Variants in TENM3 observed in about 807,000 individuals in gnomAD.
TENM3 encodes the protein teneurin-3.
In TENM3, 63 loss-of-function variants were observed where a neutral mutation model predicts 255.1. That is an observed-to-expected ratio of 0.25 (90% confidence interval 0.20 to 0.30). TENM3 has a LOEUF of 0.30. Among genes scored for constraint, TENM3 ranks in the 10% least tolerant of loss-of-function variants. The probability of loss-of-function intolerance (pLI) is 1.00; values close to 1 mark genes in which losing one functional copy is unlikely to be tolerated. For missense variants in TENM3, 2,929 were observed against 3,461.1 expected, an observed-to-expected ratio of 0.85 and a Z score of 3.86; for synonymous variants, 1,306 against 1,322.3, an observed-to-expected ratio of 0.99 and a Z score of 0.27.
chr4:181,479,139 A>G, the TENM3 span, among the ~76,000 whole-genome samples: 1 of 152,200 alleles, frequency 6.6e-6, no homozygotes, highest in South Asian at 2.1e-4. Context: ...TGATTGAGGA[A>G]AATATTCCCA....
rs1424242306 is a variant in TENM3, at chr4:182,801,693, C to G, written c.*1342C>G. On this transcript the variant is annotated 3_prime_UTR_variant, in exon 28 of 28. Transcript: ENST00000511685. ...CAGTGGTGGGTGAGCCAGATGGAGCCGGTCAGGGTTACTCTAAGCCCACAT... is the reference window on the plus strand; with the variant it reads ...CAGTGGTGGGTGAGCCAGATGGAGCGGGTCAGGGTTACTCTAAGCCCACAT... 1 of 151,832 alleles carries G rather than the reference C, an allele frequency of 6.6e-6. No homozygotes were observed. Among genetic ancestry groups the G allele is most frequent in the Non-Finnish European group, 1.5e-5 (1 of 68,022 alleles). The allele number at this position is 151,832 out of a possible 1,614,324, so 9.4% of individuals were successfully genotyped here.
chr4:182,675,221 T>C (rs1457098118), intron 7 of TENM3, among the ~76,000 whole-genome samples: 2 of 152,106 alleles, frequency 1.3e-5, no homozygotes, highest in Admixed American at 6.5e-5. Context: ...GTTCATCTTA[T>C]AGGTGACACT....
the TENM3 span, among the ~76,000 whole-genome samples, chr4:181,854,950 G>T: frequency 6.6e-6 from 1 of 152,088 alleles, no homozygotes; most frequent in Non-Finnish European, 1.5e-5. Context: ...TTTTTTTAAG[G>T]CCGTGTTTTC....
chr4:182,209,387 C>T (rs182535978), intron 1 of TENM3, among the ~76,000 whole-genome samples: 1 of 152,246 alleles, frequency 6.6e-6, no homozygotes, highest in East Asian at 1.9e-4. Flanking sequence ...GTGCGTGTGG[C>T]CCCACTGTGC....
chr4:181,920,767 GT>G, the TENM3 span, among the ~76,000 whole-genome samples: 1 of 151,822 alleles, frequency 6.6e-6, no homozygotes, highest in African/African-American at 2.4e-5. Context: ...TTTGTCTTTT[GT>G]TGCCATTGCT....
the TENM3 span, among the ~76,000 whole-genome samples, chr4:182,069,321 T>C: frequency 6.6e-6 from 1 of 152,218 alleles, no homozygotes; most frequent in African/African-American, 2.4e-5. Context: ...TGATGTTATA[T>C]TACATTGTTT....
At chr4:181,727,838 A>C in the TENM3 span, among the ~76,000 whole-genome samples, 29 of 152,322 alleles carry the variant, frequency 1.9e-4, no homozygotes, top group East Asian at 4.6e-3. Flanking sequence ...TCAGCTAATA[A>C]GGATCAACTG....
At chr4:182,694,144 C>T (rs542379139) in intron 12 of TENM3, among the ~76,000 whole-genome samples, 15 of 151,912 alleles carry the variant, frequency 9.9e-5, no homozygotes, top group African/African-American at 2.7e-4. Flanking sequence ...GGGTCTCACT[C>T]AGTTGCCCAG....
At chr4:181,528,436 G>T in the TENM3 span, among the ~76,000 whole-genome samples, 86 of 152,298 alleles carry the variant, frequency 5.6e-4, no homozygotes, top group African/African-American at 2.1e-3. Flanking sequence ...GAGATTTAGA[G>T]ATAAGAATTA....
At chr4:182,400,578 A>T (rs79962142) in intron 3 of TENM3, among the ~76,000 whole-genome samples, 2,901 of 152,318 alleles carry the variant, frequency 0.019, 77 homozygotes, top group East Asian at 0.1. Flanking sequence ...ATCTTTGTGG[A>T]TGAGAAAAAT....
At chr4:182,372,647 C>A (rs6852256) in intron 3 of TENM3, among the ~76,000 whole-genome samples, 3,736 of 151,604 alleles carry the variant, frequency 0.025, 98 homozygotes, top group African/African-American at 0.061. Flanking sequence ...CTGTCCCATG[C>A]TGAACAAAAA....
At chr4:182,791,241 C>G (rs1255432539) in intron 25 of TENM3, among the ~76,000 whole-genome samples, 7 of 152,188 alleles carry the variant, frequency 4.6e-5, no homozygotes, top group African/African-American at 1.7e-4. Flanking sequence ...AGAGGAGATT[C>G]TACAGAAGCT....
chr4:181,869,677 T>G, the TENM3 span, among the ~76,000 whole-genome samples: 370 of 152,246 alleles, frequency 2.4e-3, 1 homozygote, highest in African/African-American at 8.4e-3. Flanking sequence ...CTTTGAGATT[T>G]AGAGAGATGT....
At chr4:182,546,290 G>A (rs374831367) in intron 3 of TENM3, among the ~76,000 whole-genome samples, 1 of 152,100 alleles carries the variant, frequency 6.6e-6, no homozygotes, top group South Asian at 2.1e-4. Flanking sequence ...TTTGTTATTT[G>A]TTTCCTTTTA....
the TENM3 span, among the ~76,000 whole-genome samples, chr4:181,588,216 A>G: frequency 6.6e-6 from 1 of 152,202 alleles, no homozygotes; most frequent in Non-Finnish European, 1.5e-5. Flanking sequence ...TGAACAGAAC[A>G]CACCAGGAAG....
the TENM3 span, among the ~76,000 whole-genome samples, chr4:181,828,272 T>G: frequency 1.3e-5 from 2 of 152,210 alleles, no homozygotes; most frequent in African/African-American, 2.4e-5. Flanking sequence ...ACCATCCTGG[T>G]GAATGGACTC....
chr4:181,543,832 T>G, the TENM3 span, among the ~76,000 whole-genome samples: 1 of 152,180 alleles, frequency 6.6e-6, no homozygotes, highest in Non-Finnish European at 1.5e-5. Flanking sequence ...CCTTCTTAAC[T>G]AAAGTCATAT....
the TENM3 span, among the ~76,000 whole-genome samples, chr4:181,910,099 C>G: frequency 6.6e-6 from 1 of 151,976 alleles, no homozygotes; most frequent in African/African-American, 2.4e-5. Flanking sequence ...GTAATGACAC[C>G]TTCTTGTCCT....
At chr4:182,716,655 T>C (rs1336087007) in intron 13 of TENM3, among the ~76,000 whole-genome samples, 1 of 152,202 alleles carries the variant, frequency 6.6e-6, no homozygotes, top group Admixed American at 6.5e-5. Context: ...AAGATGGTAT[T>C]TTCCACACCA....
Sources: allele counts gnomAD v4.1 joint callset (sites outside exome capture counted in the v4.1 genomes callset), GRCh38; gene constraint gnomAD v4.1.1; transcripts MANE v1.5; gene names NCBI Gene and HGNC (gene_info 2026-07-23, HGNC 2026-07-21).